Variants in FAS observed in about 807,000 individuals in gnomAD.
The protein encoded by FAS is Fas cell surface death receptor.
FAS carries 5 observed loss-of-function variants against 33.2 expected under a neutral mutation model. That is an observed-to-expected ratio of 0.15 (90% confidence interval 0.08 to 0.32). The LOEUF (loss-of-function observed/expected upper bound fraction) is 0.32. Ranked by LOEUF, FAS falls within the 10% of genes least tolerant of loss-of-function variation. The pLI, the probability that FAS is intolerant of heterozygous loss-of-function variation, is 1.00. For synonymous variants in FAS, 131 were observed against 130.7 expected (o/e 1.00, Z -0.01); for missense variants, 339 against 386.0 (o/e 0.88, Z 1.02).
intron 1 of FAS, among the ~76,000 whole-genome samples, chr10:88,993,976 C>A (rs1043972907): frequency 6.6e-6 from 1 of 152,062 alleles, no homozygotes; most frequent in East Asian, 1.9e-4. Flanking sequence ...ATGGCAGCAC[C>A]CCCACTACCA....
chr10:89,002,961 T>A, intron 1 of FAS, 68 bp from the exon 2 acceptor site: 1 of 1,588,284 alleles, frequency 6.3e-7, no homozygotes, highest in Non-Finnish European at 8.6e-7. Flanking sequence ...TTTGGGTGGG[T>A]TACACTTGTT....
chr10:88,992,937 C>A (rs1330608978), intron 1 of FAS, among the ~76,000 whole-genome samples: 2 of 152,148 alleles, frequency 1.3e-5, no homozygotes, highest in Non-Finnish European at 2.9e-5. Flanking sequence ...TTAGTAGTAG[C>A]AATAAATAAA....
chr10:89,003,242 G>T, intron 2 of FAS, 48 bp downstream of exon 2: 1 of 1,602,046 alleles, frequency 6.2e-7, no homozygotes, highest in Non-Finnish European at 8.6e-7. Context: ...TCACAGTTAG[G>T]AGTAGCACAT....
At chr10:89,005,845 G>T (rs1434692707) in intron 2 of FAS, among the ~76,000 whole-genome samples, 1 of 152,048 alleles carries the variant, frequency 6.6e-6, no homozygotes, top group Non-Finnish European at 1.5e-5. Context: ...CACCATGTTG[G>T]TCAGTCTGGT....
intron 1 of FAS, among the ~76,000 whole-genome samples, chr10:88,998,051 A>G (rs1046276032): frequency 6.6e-6 from 1 of 152,216 alleles, no homozygotes; most frequent in Non-Finnish European, 1.5e-5. Flanking sequence ...TCACAAATCA[A>G]GAATCCAAGA....
chr10:88,979,606 TG>T, intron 2 of FAS, among the ~76,000 whole-genome samples: 1 of 151,972 alleles, frequency 6.6e-6, no homozygotes, highest in East Asian at 1.9e-4. Context: ...TAATTGTTAA[TG>T]ATGACTTTTT....
chr10:88,988,958 G>C (rs534729637), upstream of FAS, among the ~76,000 whole-genome samples: 1 of 152,160 alleles, frequency 6.6e-6, no homozygotes, highest in Admixed American at 6.5e-5. Context: ...TTGAACTTGA[G>C]GATAATTAGA....
rs905324750 is a variant in FAS at position 89,015,072 on chromosome 10, A to G, written c.*622A>G. ...CAATATTTCAATTGTGAATTCACAT[A>G]GAAAACATTAAATTATAATGTTTGA... On this transcript the variant is annotated 3_prime_UTR_variant, in exon 9 of 9. Transcript: ENST00000652046. The G allele has an allele frequency of 1.9e-6, 1 of 534,522 alleles. No individual in the cohort carries two copies. Among genetic ancestry groups the G allele is most frequent in the Non-Finnish European group, 3.6e-6 (1 of 276,482 alleles). The allele number at this position is 534,522 out of a possible 1,614,324, so 33.1% of individuals were successfully genotyped here.
At chr10:89,013,042 A>G (rs1848608900) in intron 7 of FAS, among the ~76,000 whole-genome samples, 1 of 152,154 alleles carries the variant, frequency 6.6e-6, no homozygotes, top group African/African-American at 2.4e-5. Context: ...TATATTTATT[A>G]TTTATTTTAA....
chr10:89,015,720 T>G lies in FAS; in HGVS notation c.*1270T>G, dbSNP rs1848776100. 2.0e-6 allele frequency: 1 copy of G among 500,944 alleles called. No homozygotes were observed. The highest frequency in any genetic ancestry group is 2.3e-5 in the Admixed American group (1 of 42,824). 31.0% of individuals were successfully genotyped at this position (500,944 alleles called of 1,614,324 possible). A position where few individuals can be genotyped will look rare whatever the true frequency, so the allele number is the denominator to read the frequency against. On this transcript the variant is annotated 3_prime_UTR_variant, in exon 9 of 9. Transcript: ENST00000652046. Reference sequence around the variant, plus strand: ...AGAACTTCCATTTATGGAGGATTTTTTTGCCCCTTGTGTTTGGAATTATAA... The same window carrying G: ...AGAACTTCCATTTATGGAGGATTTTGTTGCCCCTTGTGTTTGGAATTATAA...
chr10:88,989,644 A>T, upstream of FAS: 1 of 504,528 alleles, frequency 2.0e-6, no homozygotes. Flanking sequence ...AACCTAACCT[A>T]GATTTGAGGG....
upstream of FAS, among the ~76,000 whole-genome samples, chr10:88,986,744 CAGGAAGGAAGAAGTAT>C (rs1278184488): frequency 7.4e-4 from 112 of 151,626 alleles, no homozygotes; most frequent in African/African-American, 2.6e-3. Flanking sequence ...GGAAGTAGTG[CAGGAAGGAAGAAGTAT>C]AGGAAGGAAG....
At chr10:89,011,056 G>A (rs1848505075) in intron 6 of FAS, 1 of 564,406 alleles carries the variant, frequency 1.8e-6, no homozygotes, top group South Asian at 2.0e-5. Context: ...CTATGAACAG[G>A]TGTTCTCTGC....
rs188979473 is a variant in FAS at position 89,016,413 on chromosome 10, G to T, written c.*1963G>T. On this transcript the variant is annotated 3_prime_UTR_variant, in exon 9 of 9. Transcript: ENST00000652046. ...TTCTAGACAGAAGTAGGGCAAGTTA[G>T]GTACTAGTTATTCTTCATGGCCAGA... is the stretch of plus-strand genomic sequence containing the variant. 7.3e-5 allele frequency: 16 copies of T among 220,366 alleles called. No homozygotes were observed. The East Asian group carries it at 8.7e-4, about 12-fold the overall frequency. 13.7% of individuals were successfully genotyped at this position (220,366 alleles called of 1,614,324 possible).
intron 2 of FAS, among the ~76,000 whole-genome samples, chr10:88,979,132 A>C (rs1318498557): frequency 6.6e-6 from 1 of 152,182 alleles, no homozygotes; most frequent in Non-Finnish European, 1.5e-5. Context: ...ATAAAAATTA[A>C]GTACAATTAA....
intron 1 of FAS, among the ~76,000 whole-genome samples, chr10:88,967,852 T>A (rs994587976): frequency 6.6e-6 from 1 of 152,212 alleles, no homozygotes; most frequent in Non-Finnish European, 1.5e-5. Flanking sequence ...GCAAAGTTGT[T>A]CCCTTTCTTC....
upstream of FAS, among the ~76,000 whole-genome samples, chr10:88,987,273 T>C (rs1846928603): frequency 6.6e-6 from 1 of 152,266 alleles, no homozygotes; most frequent in Non-Finnish European, 1.5e-5. Flanking sequence ...CAATTAACTT[T>C]TGTAACAAAA....
upstream of FAS, among the ~76,000 whole-genome samples, chr10:88,983,609 C>CAAAAAAA (rs71022549): frequency 2.2e-5 from 1 of 46,456 alleles, no homozygotes; most frequent in Non-Finnish European, 3.6e-5. Context: ...ACAGGTTATG[C>CAAAAAAA]AAAAAAAAAA....
At position 89,010,572 on chromosome 10, in the gene FAS, C is replaced by CTGG; in HGVS notation, c.477_478insTGG (p.Leu159_Thr160insTrp). ...ATGGAATCATCAAGGAATGCACACT[C>CTGG]ACCAGCAACACCAAGTGCAAAGAGG... On this transcript the variant is annotated inframe_insertion, in exon 5 of 9. Coordinates refer to ENST00000652046, the MANE Select transcript of FAS (RefSeq NM_000043.6). The CTGG allele has an allele frequency of 6.2e-7, 1 of 1,613,892 alleles. No homozygotes were observed. Among genetic ancestry groups the CTGG allele is most frequent in the Non-Finnish European group, 8.5e-7 (1 of 1,179,892 alleles).
Sources: allele counts gnomAD v4.1 joint callset (sites outside exome capture counted in the v4.1 genomes callset), GRCh38; gene constraint gnomAD v4.1.1; transcripts MANE v1.5; gene names NCBI Gene and HGNC (gene_info 2026-07-23, HGNC 2026-07-21).